PTPRG: variants seen among roughly 807,000 people sequenced by gnomAD.
The protein encoded by PTPRG is protein tyrosine phosphatase receptor type G.
A neutral mutation model predicts 165.3 loss-of-function variants in PTPRG; 102 were observed. That is an observed-to-expected ratio of 0.62 (90% confidence interval 0.53 to 0.73). PTPRG has a LOEUF of 0.73. Among genes scored for constraint, PTPRG ranks in the 30% least tolerant of loss-of-function variants. PTPRG has a pLI of 0.00. For missense variants in PTPRG, 1,866 were observed against 1,861.4 expected, an observed-to-expected ratio of 1.00 and a Z score of -0.05; for synonymous variants, 675 against 669.5, an observed-to-expected ratio of 1.01 and a Z score of -0.13.
intron 1 of PTPRG, among the ~76,000 whole-genome samples, chr3:61,572,391 C>A (rs183146520): frequency 6.6e-6 from 1 of 152,004 alleles, no homozygotes; most frequent in African/African-American, 2.4e-5. Context: ...TGGGGGCAGA[C>A]GTCTTTGTCT....
At chr3:61,807,476 C>T (rs1390413835) in intron 2 of PTPRG, among the ~76,000 whole-genome samples, 1 of 152,174 alleles carries the variant, frequency 6.6e-6, no homozygotes, top group East Asian at 1.9e-4. Context: ...ATTCCTCTTT[C>T]ATCATGTAGA....
At chr3:62,242,405 G>A (rs930467824) in intron 14 of PTPRG, among the ~76,000 whole-genome samples, 4 of 152,166 alleles carry the variant, frequency 2.6e-5, no homozygotes, top group Non-Finnish European at 4.4e-5. Context: ...AGTAACTGAC[G>A]TTCAAAATCT....
At chr3:61,805,530 CAAAAAAAA>C (rs58646519) in intron 2 of PTPRG, among the ~76,000 whole-genome samples, 94 of 96,520 alleles carry the variant, frequency 9.7e-4, no homozygotes, top group Middle Eastern at 6.0e-3. Context: ...ATGGGAAAGA[CAAAAAAAA>C]AAAAAAAAAA....
chr3:62,262,605 A>G (rs1701733098), intron 16 of PTPRG, 193 bp from the exon 17 acceptor site: 1 of 437,358 alleles, frequency 2.3e-6, no homozygotes, highest in Non-Finnish European at 4.0e-6. Context: ...ATAGTAAATA[A>G]TGAAATCTTT....
intron 4 of PTPRG, among the ~76,000 whole-genome samples, chr3:62,031,182 T>C (rs1409447617): frequency 2.0e-5 from 3 of 152,192 alleles, no homozygotes; most frequent in Admixed American, 2.0e-4. Context: ...GTGAATAAGA[T>C]AGAACTCATA....
intron 1 of PTPRG, among the ~76,000 whole-genome samples, chr3:61,576,715 A>G (rs1193112116): frequency 6.6e-6 from 1 of 152,198 alleles, no homozygotes; most frequent in African/African-American, 2.4e-5. Flanking sequence ...ATTCTTGGAA[A>G]TAGGTGTGCT....
At chr3:61,897,497 A>G (rs1423033753) in intron 2 of PTPRG, among the ~76,000 whole-genome samples, 1 of 152,180 alleles carries the variant, frequency 6.6e-6, no homozygotes, top group Admixed American at 6.5e-5. Context: ...ATAGCTGTAC[A>G]GTAAGTCAAT....
chr3:62,128,066 A>G (rs1218390119), intron 5 of PTPRG, among the ~76,000 whole-genome samples: 1 of 152,218 alleles, frequency 6.6e-6, no homozygotes, highest in African/African-American at 2.4e-5. Context: ...GTATCTCTAT[A>G]TACTTTGGTT....
At chr3:61,876,306 T>A (rs988966321) in intron 2 of PTPRG, among the ~76,000 whole-genome samples, 4 of 152,166 alleles carry the variant, frequency 2.6e-5, no homozygotes, top group African/African-American at 9.6e-5. Context: ...AAATAACAGC[T>A]AAATGTAATG....
chr3:61,866,283 A>G (rs1411275844), intron 2 of PTPRG, among the ~76,000 whole-genome samples: 2 of 152,156 alleles, frequency 1.3e-5, no homozygotes, highest in African/African-American at 4.8e-5. Flanking sequence ...CCTGATACAG[A>G]TGATTTCATT....
intron 2 of PTPRG, among the ~76,000 whole-genome samples, chr3:61,927,258 A>G (rs2039238746): frequency 6.6e-6 from 1 of 152,206 alleles, no homozygotes. Flanking sequence ...CCTGGGAAAT[A>G]AATCCCTGGC....
intron 2 of PTPRG, among the ~76,000 whole-genome samples, chr3:61,928,816 A>G (rs2039288787): frequency 6.6e-6 from 1 of 152,212 alleles, no homozygotes; most frequent in Admixed American, 6.5e-5. Flanking sequence ...GTATTGTGAC[A>G]GTCTATAGAT....
chr3:62,050,752 T>G (rs896994488), intron 4 of PTPRG, among the ~76,000 whole-genome samples: 2 of 152,158 alleles, frequency 1.3e-5, no homozygotes, highest in Non-Finnish European at 2.9e-5. Flanking sequence ...AAAGACAAGG[T>G]ATCAGGAATC....
intron 4 of PTPRG, among the ~76,000 whole-genome samples, chr3:62,021,045 T>A (rs1264160686): frequency 1.3e-5 from 2 of 152,156 alleles, no homozygotes; most frequent in Non-Finnish European, 2.9e-5. Context: ...ATTTCATTAC[T>A]GCCACTGTGT....
chr3:61,843,446 G>A (rs1293040412), intron 2 of PTPRG, among the ~76,000 whole-genome samples: 1 of 152,072 alleles, frequency 6.6e-6, no homozygotes, highest in Non-Finnish European at 1.5e-5. Flanking sequence ...TGAATACAAT[G>A]TAAGATAGTA....
intron 7 of PTPRG, among the ~76,000 whole-genome samples, chr3:62,159,053 A>G (rs1333387116): frequency 6.6e-6 from 1 of 152,148 alleles, no homozygotes; most frequent in Non-Finnish European, 1.5e-5. Flanking sequence ...TTTACGGCTC[A>G]GTGGCTCATG....
intron 1 of PTPRG, among the ~76,000 whole-genome samples, chr3:61,572,343 C>T (rs977967019): frequency 3.9e-5 from 6 of 151,966 alleles, no homozygotes; most frequent in African/African-American, 7.3e-5. Context: ...ATGTGTATAG[C>T]GTTTAAAACT....
chr3:61,809,331 A>G (rs1209971920), intron 2 of PTPRG, among the ~76,000 whole-genome samples: 1 of 152,066 alleles, frequency 6.6e-6, no homozygotes, highest in East Asian at 1.9e-4. Context: ...TCAGAGAAAA[A>G]TGTGATCACT....
At chr3:61,836,036 G>A (rs1053567955) in intron 2 of PTPRG, among the ~76,000 whole-genome samples, 6 of 144,518 alleles carry the variant, frequency 4.2e-5, no homozygotes, top group Admixed American at 7.0e-5. Flanking sequence ...GTAAATCTCC[G>A]TCTCACCCCC....
Sources: allele counts gnomAD v4.1 joint callset (sites outside exome capture counted in the v4.1 genomes callset), GRCh38; gene constraint gnomAD v4.1.1; transcripts MANE v1.5; gene names NCBI Gene and HGNC (gene_info 2026-07-23, HGNC 2026-07-21).